SEMA3A: variants seen among roughly 807,000 people sequenced by gnomAD.
SEMA3A encodes the protein semaphorin 3A.
In SEMA3A, 29 loss-of-function variants were observed where a neutral mutation model predicts 97.9. The observed-to-expected ratio is 0.30, with a 90% CI of 0.22 to 0.40. The LOEUF is 0.40. Among genes scored for constraint, SEMA3A ranks in the 10% least tolerant of loss-of-function variants. SEMA3A has a pLI of 1.00. For synonymous variants in SEMA3A, 321 were observed against 323.7 expected, an observed-to-expected ratio of 0.99 and a Z score of 0.09; for missense variants, 763 against 951.3, an observed-to-expected ratio of 0.80 and a Z score of 2.60.
intron 1 of SEMA3A, among the ~76,000 whole-genome samples, chr7:84,172,477 C>A (rs1284288075): frequency 6.6e-6 from 1 of 152,074 alleles, no homozygotes; most frequent in Admixed American, 6.5e-5. Flanking sequence ...GGCTGGAGTG[C>A]AGTGGGCTAT....
intron 12 of SEMA3A, among the ~76,000 whole-genome samples, chr7:84,001,366 T>TG (rs1236217455): frequency 2.2e-5 from 3 of 137,540 alleles, no homozygotes; most frequent in African/African-American, 8.1e-5. Context: ...CAAATCCCCC[T>TG]GGGCCATCTG....
intron 3 of SEMA3A, among the ~76,000 whole-genome samples, chr7:84,300,388 A>G (rs965883246): frequency 5.9e-5 from 9 of 152,138 alleles, no homozygotes; most frequent in Non-Finnish European, 8.8e-5. Context: ...AACAAAATAA[A>G]GCAAATCCCA....
In SEMA3A at chr7:84,172,330, G is replaced by A. The variant is rs114120381; in HGVS notation, c.112+22145C>T. 9.9e-3 allele frequency among the ~76,000 whole-genome samples: 1,508 copies of A among 152,238 alleles called. 28 individuals carry two copies. The highest frequency in any genetic ancestry group is 0.034 in the African/African-American group (1,418 of 41,552). ...CCTACATCTTTTATTGACAAAATTT[G>A]AAGCTCTATTTATGGAACTGAAGTT... On this transcript the variant is annotated intron_variant, in intron 1 of 16. Transcript: ENST00000265362.
chr7:84,147,372 T>C (rs10278542), intron 1 of SEMA3A, among the ~76,000 whole-genome samples: 34,076 of 152,180 alleles, frequency 0.22, 3,941 homozygotes, highest in South Asian at 0.27. Context: ...AGATACATTT[T>C]GGGGAGGAAA....
chr7:84,136,411 G>A (rs76712794), intron 1 of SEMA3A, among the ~76,000 whole-genome samples: 14,131 of 152,144 alleles, frequency 0.093, 708 homozygotes, highest in Middle Eastern at 0.12. Context: ...TAAAGGTCAG[G>A]TCACTATCAT....
chr7:84,491,467 G>T (rs556393638), intron 1 of SEMA3A, among the ~76,000 whole-genome samples: 1 of 152,086 alleles, frequency 6.6e-6, no homozygotes, highest in East Asian at 1.9e-4. Context: ...ATTAATAACT[G>T]GAATCTTTGG....
chr7:84,379,283 G>T (rs1482738059), intron 1 of SEMA3A, among the ~76,000 whole-genome samples: 1 of 152,022 alleles, frequency 6.6e-6, no homozygotes. Context: ...GAAGCCTTAA[G>T]TTTTTTCACA....
At chr7:84,442,318 A>C (rs1223538617) in intron 1 of SEMA3A, among the ~76,000 whole-genome samples, 1 of 152,158 alleles carries the variant, frequency 6.6e-6, no homozygotes, top group Non-Finnish European at 1.5e-5. Context: ...TTTAACATCC[A>C]AAACTAAATG....
At chr7:84,196,345 G>A (rs986428899), upstream of SEMA3A, among the ~76,000 whole-genome samples, 21 of 143,030 alleles carry the variant, frequency 1.5e-4, no homozygotes, top group African/African-American at 4.1e-4. Flanking sequence ...GCGCTCGCTC[G>A]CTCTGCTTTC....
At chr7:84,090,653 T>C (rs1216303644) in intron 4 of SEMA3A, among the ~76,000 whole-genome samples, 1 of 152,192 alleles carries the variant, frequency 6.6e-6, no homozygotes, top group Non-Finnish European at 1.5e-5. Flanking sequence ...AACAAGAATA[T>C]TATTTAATAT....
At chr7:84,226,660 G>T (rs1584144761) in intron 3 of SEMA3A, among the ~76,000 whole-genome samples, 1 of 151,988 alleles carries the variant, frequency 6.6e-6, no homozygotes, top group African/African-American at 2.4e-5. Flanking sequence ...CCAATTAAAA[G>T]CCAAAGAGCC....
chr7:84,259,658 C>A (rs1016032474), intron 3 of SEMA3A, among the ~76,000 whole-genome samples: 1 of 151,786 alleles, frequency 6.6e-6, no homozygotes, highest in Admixed American at 6.6e-5. Flanking sequence ...AAATGGGAAT[C>A]TTCCCTTGCT....
At chr7:84,469,810 C>T (rs368982522) in intron 1 of SEMA3A, among the ~76,000 whole-genome samples, 1 of 151,898 alleles carries the variant, frequency 6.6e-6, no homozygotes. Flanking sequence ...CGTGATAAAT[C>T]TATTGTAATT....
chr7:83,963,738 A>G (rs1278761842), intron 15 of SEMA3A, among the ~76,000 whole-genome samples: 1 of 152,214 alleles, frequency 6.6e-6, no homozygotes, highest in Non-Finnish European at 1.5e-5. Context: ...CTGTAACACA[A>G]AAAGTTATTG....
At chr7:84,297,968 A>C (rs190913015) in intron 3 of SEMA3A, among the ~76,000 whole-genome samples, 28 of 152,200 alleles carry the variant, frequency 1.8e-4, no homozygotes, top group Non-Finnish European at 4.0e-4. Context: ...CATTTTAGCC[A>C]ATAATTCCCA....
intron 1 of SEMA3A, among the ~76,000 whole-genome samples, chr7:84,400,690 T>C (rs1444855683): frequency 1.3e-5 from 2 of 152,034 alleles, no homozygotes; most frequent in African/African-American, 4.8e-5. Context: ...GAAGTAAAGG[T>C]AGAAATAGGG....
intron 1 of SEMA3A, among the ~76,000 whole-genome samples, chr7:84,446,353 C>G (rs1805414935): frequency 6.6e-6 from 1 of 152,076 alleles, no homozygotes; most frequent in Non-Finnish European, 1.5e-5. Context: ...GATACCAAAG[C>G]CAGCCAAAGA....
At chr7:84,459,442 TAA>T (rs1212794420) in intron 1 of SEMA3A, among the ~76,000 whole-genome samples, 1 of 152,174 alleles carries the variant, frequency 6.6e-6, no homozygotes, top group Non-Finnish European at 1.5e-5. Flanking sequence ...CTAAAGAACT[TAA>T]GATATTTTCC....
At chr7:84,052,785 GTTCTT>G (rs1792743294) in intron 5 of SEMA3A, among the ~76,000 whole-genome samples, 1 of 149,300 alleles carries the variant, frequency 6.7e-6, no homozygotes, top group Non-Finnish European at 1.5e-5. Flanking sequence ...TGCTTTTCTA[GTTCTT>G]TTAGTTGTGA....
Sources: allele counts gnomAD v4.1 joint callset (sites outside exome capture counted in the v4.1 genomes callset), GRCh38; gene constraint gnomAD v4.1.1; transcripts MANE v1.5; gene names NCBI Gene and HGNC (gene_info 2026-07-23, HGNC 2026-07-21).